Variants in AMZ1 observed in about 807,000 individuals in gnomAD.
AMZ1 encodes archaelysin family metallopeptidase 1.
Under a neutral mutation model 29.9 loss-of-function variants are expected in AMZ1, and 39 were observed. The ratio of observed to expected loss-of-function variants is 1.30; its 90% CI spans 1.01 to 1.70. The LOEUF is 1.70. Ranked by LOEUF, AMZ1 falls within the 40% of genes most tolerant of loss-of-function variation. AMZ1 has a pLI of 0.00. For synonymous variants in AMZ1, 458 were observed against 304.0 expected (o/e 1.51, Z -5.27); for missense variants, 1,041 against 680.6 (o/e 1.53, Z -5.89).
At chr7:2,742,417 C>T (rs1359575195) in intron 4 of AMZ1, among the ~76,000 whole-genome samples, 3 of 152,152 alleles carry the variant, frequency 2.0e-5, no homozygotes, top group Admixed American at 6.5e-5. Flanking sequence ...ATTTTCCAGT[C>T]AGTGCCACTC....
chr7:2,699,476 G>A (rs965371934), intron 1 of AMZ1, among the ~76,000 whole-genome samples: 3 of 152,168 alleles, frequency 2.0e-5, no homozygotes, highest in South Asian at 4.2e-4. Flanking sequence ...TCTGGATCTC[G>A]GGCCCTCACG....
At chr7:2,708,458 T>C in intron 3 of AMZ1, 130 bp from the exon 4 acceptor site, 1 of 1,390,702 alleles carries the variant, frequency 7.2e-7, no homozygotes, top group Non-Finnish European at 9.7e-7. Context: ...CAAACGCTGG[T>C]GGCCCACACC....
chr7:2,692,457 G>A (rs1219178312), intron 1 of AMZ1, among the ~76,000 whole-genome samples: 3 of 152,132 alleles, frequency 2.0e-5, no homozygotes, highest in Non-Finnish European at 4.4e-5. Flanking sequence ...CAGGAGAATC[G>A]CTTTAACCCG....
chr7:2,682,637 C>G (rs865837074), intron 1 of AMZ1, among the ~76,000 whole-genome samples: 10 of 152,170 alleles, frequency 6.6e-5, no homozygotes, highest in Admixed American at 2.0e-4. Flanking sequence ...ACGTCACCTA[C>G]TGCACCCAGG....
At chr7:2,751,053 T>G (rs944468845) in intron 4 of AMZ1, among the ~76,000 whole-genome samples, 4 of 152,168 alleles carry the variant, frequency 2.6e-5, no homozygotes, top group African/African-American at 7.2e-5. Context: ...TCTTGAGATG[T>G]TGCCACTACA....
At position 2,709,627 on chromosome 7, in the gene AMZ1, G is replaced by T; in HGVS notation, c.772-13G>T. On this transcript the variant is annotated splice_polypyrimidine_tract_variant and intron_variant, in intron 5 of 6. Transcript: ENST00000683327. ...AGGCAGTGAGGCAAGGTGCTTGGTGGCCTTCCCCCCAGGTCACGTGCCACG... is the reference window on the plus strand; with the variant it reads ...AGGCAGTGAGGCAAGGTGCTTGGTGTCCTTCCCCCCAGGTCACGTGCCACG... 4 of 1,604,884 alleles carry T rather than the reference G, an allele frequency of 2.5e-6. No individual in the cohort carries two copies. Among genetic ancestry groups the T allele is most frequent in the Non-Finnish European group, 3.4e-6 (4 of 1,176,362 alleles).
In AMZ1 at chr7:2,719,328, G is replaced by A. The variant is rs141057731; in HGVS notation, c.*6450G>A. Among the ~76,000 whole-genome samples the A allele has an allele frequency of 6.6e-6, 1 of 152,200 alleles. No individual in the cohort carries two copies. Among genetic ancestry groups the A allele is most frequent in the African/African-American group, 2.4e-5 (1 of 41,452 alleles). On this transcript the variant is annotated 3_prime_UTR_variant, in exon 7 of 7. Transcript: ENST00000683327. ...ATGGCATAACCTGATGTCTGTCACG[G>A]ACCCCCAAGCAGGAGCAATGCCTAA...
chr7:2,700,738 T>C lies in AMZ1; in HGVS notation c.287T>C (p.Ile96Thr). ...HRKPRLARKHIYLQPIDLSEE... is the reference protein window; with the variant it reads ...HRKPRLARKHTYLQPIDLSEE... ...AAGCCCCGCCTGGCTCGGAAGCACA[T>C]CTACCTACAGCCGATAGGTACGGGA... Residue 96 changes from isoleucine to threonine, a missense_variant, in exon 2 of 7, where the codon ATC (isoleucine) becomes ACC (threonine). Physicochemically the swap from Ile to Thr is moderately conservative, Grantham distance 89. Transcript: ENST00000683327. The C allele has an allele frequency of 6.2e-7, 1 of 1,612,758 alleles. No individual in the cohort carries two copies. Among genetic ancestry groups the C allele is most frequent in the South Asian group, 1.1e-5 (1 of 91,060 alleles).
intron 4 of AMZ1, among the ~76,000 whole-genome samples, chr7:2,742,320 C>A (rs890148579): frequency 6.6e-6 from 1 of 152,130 alleles, no homozygotes; most frequent in African/African-American, 2.4e-5. Flanking sequence ...CCAGCCTACA[C>A]TGAGATTTTT....
upstream of AMZ1, among the ~76,000 whole-genome samples, chr7:2,763,770 T>C (rs565646664): frequency 1.3e-3 from 205 of 152,268 alleles, 2 homozygotes; most frequent in African/African-American, 4.5e-3. Context: ...AGGCTCTGCT[T>C]TTCCTGTCGC....
chr7:2,736,951 A>G (rs1562394490), intron 4 of AMZ1, among the ~76,000 whole-genome samples: 1 of 152,210 alleles, frequency 6.6e-6, no homozygotes, highest in Non-Finnish European at 1.5e-5. Flanking sequence ...AGATCAGTAC[A>G]TGAGGGGCTG....
At chr7:2,746,507 A>G (rs1790770367) in intron 4 of AMZ1, among the ~76,000 whole-genome samples, 1 of 152,130 alleles carries the variant, frequency 6.6e-6, no homozygotes, top group Non-Finnish European at 1.5e-5. Context: ...TCTCTGGGAC[A>G]CATTCAAAGC....
chr7:2,702,703 G>T lies in AMZ1; in HGVS notation c.305-19G>T, dbSNP rs7788812. 1.3e-6 allele frequency: 2 copies of T among 1,514,318 alleles called. No homozygotes were observed. Among genetic ancestry groups the T allele is most frequent in the African/African-American group, 2.8e-5 (2 of 72,118 alleles). The allele number at this position is 1,514,318 out of a possible 1,614,324, so 93.8% of individuals were successfully genotyped here. On this transcript the variant is annotated intron_variant, in intron 2 of 6. Coordinates refer to ENST00000683327, the MANE Select transcript of AMZ1 (RefSeq NM_001384743.1). ...CGGGCAGGGGCGTCGCAGGGCTGAC[G>T]GTGCTGCTCTCCCACCAGACCTGAG...
intron 4 of AMZ1, among the ~76,000 whole-genome samples, chr7:2,752,834 A>C (rs1468044845): frequency 2.0e-5 from 3 of 152,216 alleles, no homozygotes; most frequent in Non-Finnish European, 2.9e-5. Context: ...CAGTGGTTAC[A>C]TCTGTTGTTC....
chr7:2,708,750 G>T, intron 4 of AMZ1, 34 bp downstream of exon 4: 1 of 1,610,808 alleles, frequency 6.2e-7, no homozygotes, highest in Non-Finnish European at 8.5e-7. Context: ...TGCGTGGGGG[G>T]TAGCCTGGCA....
chr7:2,712,685 A>T lies in AMZ1; in HGVS notation c.1304A>T (p.Asp435Val). 2 of 1,612,648 alleles carry T rather than the reference A, an allele frequency of 1.2e-6. No individual in the cohort carries two copies. The highest frequency in any genetic ancestry group is 1.7e-6 in the Non-Finnish European group (2 of 1,179,768). ...CTGGTGCAGGTGGACAGAGCCGTGGACGCCCTCGACCGCTGGGAGATGTTC... is the reference window on the plus strand; with the variant it reads ...CTGGTGCAGGTGGACAGAGCCGTGGTCGCCCTCGACCGCTGGGAGATGTTC... ...EDLVQVDRAV[D>V]ALDRWEMFTG... Residue 435 changes from aspartate to valine, a missense_variant, in exon 7 of 7, where the codon GAC becomes GTC. By Grantham distance (152) the Asp-to-Val change is radical. Coordinates refer to ENST00000683327, the MANE Select transcript of AMZ1 (RefSeq NM_001384743.1).
At chr7:2,701,786 C>T (rs1233451902) in intron 2 of AMZ1, among the ~76,000 whole-genome samples, 1 of 152,244 alleles carries the variant, frequency 6.6e-6, no homozygotes, top group African/African-American at 2.4e-5. Flanking sequence ...TTGTCACCAG[C>T]CCTGGTGGTC....
At position 2,692,129 on chromosome 7, in the gene AMZ1, G is replaced by T. The variant is rs987236797; in HGVS notation, c.-219+3833G>T. On this transcript the variant is annotated intron_variant, in intron 1 of 6. Transcript: ENST00000683327. ...AATAAGCTGGTGAGTCTCCTGTGGC[G>T]TCGGGTGCTCCGAGGCCGGCTAAGT... 2.6e-5 allele frequency among the ~76,000 whole-genome samples: 4 copies of T among 152,192 alleles called. 1 individual carries two copies. Among genetic ancestry groups the T allele is most frequent in the South Asian group, 4.1e-4 (2 of 4,832 alleles).
Position 2,717,518 on chromosome 7 carries a change from C to T in AMZ1, c.*4640C>T, listed in dbSNP as rs1789201159. On this transcript the variant is annotated 3_prime_UTR_variant, in exon 7 of 7. Coordinates refer to ENST00000683327, the MANE Select transcript of AMZ1 (RefSeq NM_001384743.1). Reference sequence around the variant, plus strand: ...AGGCTGCTCCAGAGCTGAAATCTAGCTGTGATCCCTGTGGGGCAACTGCAC... The same window carrying T: ...AGGCTGCTCCAGAGCTGAAATCTAGTTGTGATCCCTGTGGGGCAACTGCAC... Among the ~76,000 whole-genome samples the T allele has an allele frequency of 6.6e-6, 1 of 152,238 alleles. No individual in the cohort carries two copies. Among genetic ancestry groups the T allele is most frequent in the Non-Finnish European group, 1.5e-5 (1 of 68,046 alleles).
Sources: allele counts gnomAD v4.1 joint callset (sites outside exome capture counted in the v4.1 genomes callset), GRCh38; gene constraint gnomAD v4.1.1; transcripts MANE v1.5; gene names NCBI Gene and HGNC (gene_info 2026-07-23, HGNC 2026-07-21).